Variants in B4GALT5 observed in about 807,000 individuals in gnomAD.
B4GALT5 encodes beta-1,4-galactosyltransferase 5, also known as UDP-Gal:beta-GlcNAc beta-1,4-galactosyltransferase 5.
A neutral mutation model predicts 45.0 loss-of-function variants in B4GALT5; 11 were observed. The observed-to-expected ratio is 0.24, with a 90% CI of 0.15 to 0.40. The LOEUF (loss-of-function observed/expected upper bound fraction) is 0.40, where lower values mean the gene tolerates loss of function less well. Ranked by LOEUF, B4GALT5 falls within the 10% of genes least tolerant of loss-of-function variation. The pLI is 1.00. For missense variants in B4GALT5, 337 were observed against 500.2 expected, an observed-to-expected ratio of 0.67 and a Z score of 3.11; for synonymous variants, 185 against 182.9, an observed-to-expected ratio of 1.01 and a Z score of -0.09.
chr20:49,701,040 A>C (rs923817765), intron 1 of B4GALT5, among the ~76,000 whole-genome samples: 1 of 152,208 alleles, frequency 6.6e-6, no homozygotes, highest in East Asian at 1.9e-4. Context: ...CCAAAACTAA[A>C]AATTTACTAA....
intron 1 of B4GALT5, among the ~76,000 whole-genome samples, chr20:49,691,431 G>C (rs1250811020): frequency 6.6e-6 from 1 of 152,046 alleles, no homozygotes; most frequent in African/African-American, 2.4e-5. Context: ...TAAGGTGGGA[G>C]GATCGCTTGA....
At chr20:49,712,837 T>TGGGG (rs765196296) in intron 1 of B4GALT5, among the ~76,000 whole-genome samples, 9 of 42,684 alleles carry the variant, frequency 2.1e-4, no homozygotes, top group South Asian at 1.1e-3. Flanking sequence ...GTACGCGAGG[T>TGGGG]GGGGGGGGGG....
At chr20:49,644,963 T>C (rs1462522886) in intron 3 of B4GALT5, among the ~76,000 whole-genome samples, 1 of 152,140 alleles carries the variant, frequency 6.6e-6, no homozygotes, top group Admixed American at 6.5e-5. Context: ...GGAACCATAT[T>C]AAGAAGCCTA....
At chr20:49,699,601 T>C (rs2085853396) in intron 1 of B4GALT5, among the ~76,000 whole-genome samples, 1 of 152,142 alleles carries the variant, frequency 6.6e-6, no homozygotes, top group African/African-American at 2.4e-5. Context: ...CACATACCTA[T>C]GGTAAAGTTT....
At chr20:49,641,151 G>T (rs1454037277) in intron 5 of B4GALT5, among the ~76,000 whole-genome samples, 1 of 152,032 alleles carries the variant, frequency 6.6e-6, no homozygotes, top group Non-Finnish European at 1.5e-5. Flanking sequence ...TGGACCTCTG[G>T]CCCCAATTTC....
intron 1 of B4GALT5, among the ~76,000 whole-genome samples, chr20:49,696,414 A>G (rs1160966751): frequency 1.3e-5 from 2 of 152,220 alleles, no homozygotes; most frequent in African/African-American, 4.8e-5. Flanking sequence ...AAGGGGCTAG[A>G]ATTTCCCATG....
chr20:49,709,499 C>T (rs1410260000), intron 1 of B4GALT5, among the ~76,000 whole-genome samples: 3 of 152,152 alleles, frequency 2.0e-5, no homozygotes, highest in Admixed American at 6.5e-5. Context: ...CGGCCAGGCA[C>T]GGTGGCTCAC....
intron 1 of B4GALT5, among the ~76,000 whole-genome samples, chr20:49,666,628 G>A (rs1052216251): frequency 1.3e-5 from 2 of 152,190 alleles, no homozygotes; most frequent in East Asian, 1.9e-4. Context: ...TCCCTCTCAC[G>A]CTCATGCTTG....
chr20:49,645,933 GCAGC>G (rs1249112621), intron 3 of B4GALT5, among the ~76,000 whole-genome samples: 1 of 151,674 alleles, frequency 6.6e-6, no homozygotes, highest in African/African-American at 2.4e-5. Context: ...ATGGCACACT[GCAGC>G]GTGTTGCCCA....
At chr20:49,707,664 G>C (rs948757110) in intron 1 of B4GALT5, among the ~76,000 whole-genome samples, 1 of 152,172 alleles carries the variant, frequency 6.6e-6, no homozygotes, top group South Asian at 2.1e-4. Flanking sequence ...TACCCAGACA[G>C]AGTGCAGTGG....
At chr20:49,695,639 G>A (rs548068024) in intron 1 of B4GALT5, among the ~76,000 whole-genome samples, 2 of 152,290 alleles carry the variant, frequency 1.3e-5, no homozygotes, top group Admixed American at 6.5e-5. Context: ...TTGAACTCCC[G>A]ACCTCAGGTG....
chr20:49,637,496 T>C (rs2085559119), intron 7 of B4GALT5, 54 bp from the exon 8 acceptor site: 1 of 1,339,718 alleles, frequency 7.5e-7, no homozygotes, highest in Non-Finnish European at 1.1e-6. Context: ...AGCCCAGGAG[T>C]GACCAAAGCC....
intron 1 of B4GALT5, among the ~76,000 whole-genome samples, chr20:49,680,285 G>C (rs1009116593): frequency 6.6e-6 from 1 of 152,126 alleles, no homozygotes; most frequent in Non-Finnish European, 1.5e-5. Flanking sequence ...GGAACATAAG[G>C]CTGAGCTATG....
intron 1 of B4GALT5, among the ~76,000 whole-genome samples, chr20:49,665,468 T>G (rs1002472038): frequency 1.4e-4 from 21 of 145,294 alleles, no homozygotes; most frequent in Non-Finnish European, 3.0e-4. Flanking sequence ...ATAATAATAA[T>G]AATAATAATA....
At chr20:49,704,289 T>A (rs111438477) in intron 1 of B4GALT5, among the ~76,000 whole-genome samples, 77 of 152,342 alleles carry the variant, frequency 5.1e-4, no homozygotes, top group Non-Finnish European at 7.5e-4. Context: ...ATGTCAATTA[T>A]CCATACTTTT....
At chr20:49,705,514 G>A (rs1407212869) in intron 1 of B4GALT5, among the ~76,000 whole-genome samples, 3 of 152,142 alleles carry the variant, frequency 2.0e-5, no homozygotes, top group African/African-American at 7.2e-5. Flanking sequence ...GCACAGTGGG[G>A]ACCTTGCCAT....
chr20:49,674,535 T>C (rs2085729622), intron 1 of B4GALT5, among the ~76,000 whole-genome samples: 1 of 151,888 alleles, frequency 6.6e-6, no homozygotes, highest in Non-Finnish European at 1.5e-5. Flanking sequence ...TAACTTTTTT[T>C]AGTGAGTCTG....
intron 1 of B4GALT5, among the ~76,000 whole-genome samples, 168 bp from the exon 2 acceptor site, chr20:49,656,870 C>A (rs770619200): frequency 5.9e-5 from 9 of 152,014 alleles, no homozygotes; most frequent in Middle Eastern, 3.4e-3. Flanking sequence ...TTCAGGACAC[C>A]AACATCTTTT....
chr20:49,654,769 A>T (rs1355041228), intron 2 of B4GALT5, among the ~76,000 whole-genome samples: 2 of 152,020 alleles, frequency 1.3e-5, no homozygotes, highest in Admixed American at 6.6e-5. Context: ...ATTTTTTTTT[A>T]AATGTAAGTA....
Sources: allele counts gnomAD v4.1 joint callset (sites outside exome capture counted in the v4.1 genomes callset), GRCh38; gene constraint gnomAD v4.1.1; transcripts MANE v1.5; gene names NCBI Gene and HGNC (gene_info 2026-07-23, HGNC 2026-07-21).